The following PITPNM2 variants were observed in gnomAD, a reference collection of about 807,000 sequenced individuals.
PITPNM2 encodes the protein phosphatidylinositol transfer protein membrane associated 2, also known as membrane-associated phosphatidylinositol transfer protein 2.
In PITPNM2, 35 loss-of-function variants were observed where a neutral mutation model predicts 132.2. The observed-to-expected ratio is 0.26, with a 90% CI of 0.20 to 0.35. The LOEUF (loss-of-function observed/expected upper bound fraction) is 0.35, where lower values mean the gene tolerates loss of function less well. Among genes scored for constraint, PITPNM2 ranks in the 10% least tolerant of loss-of-function variants. The pLI is 1.00. For missense variants in PITPNM2, 1,332 were observed against 1,912.0 expected (o/e 0.70, Z 5.66); for synonymous variants, 738 against 799.2 (o/e 0.92, Z 1.29).
At chr12:123,040,035 T>C (rs1407419822) in intron 2 of PITPNM2, among the ~76,000 whole-genome samples, 1 of 152,004 alleles carries the variant, frequency 6.6e-6, no homozygotes, top group East Asian at 1.9e-4. Context: ...GAGGCTGAGG[T>C]GGGAGGATCC....
At chr12:123,024,196 C>A (rs1249828330) in intron 3 of PITPNM2, among the ~76,000 whole-genome samples, 1 of 152,204 alleles carries the variant, frequency 6.6e-6, no homozygotes, top group Non-Finnish European at 1.5e-5. Context: ...CATCATTTGT[C>A]ATTAGGGAAA....
At chr12:123,080,096 G>A (rs1418191418) in intron 2 of PITPNM2, among the ~76,000 whole-genome samples, 1 of 152,196 alleles carries the variant, frequency 6.6e-6, no homozygotes, top group Non-Finnish European at 1.5e-5. Context: ...TGTGGCGTGT[G>A]TCAGTCCTTC....
At position 122,990,708 on chromosome 12, in the gene PITPNM2, C is replaced by T. The variant is rs528105755; in HGVS notation, c.2406G>A (p.Ala802=). 3.3e-5 allele frequency: 53 copies of T among 1,603,180 alleles called. No individual in the cohort carries two copies. Among genetic ancestry groups the T allele is most frequent in the South Asian group, 1.6e-4 (14 of 89,458 alleles). ...CTGCATTGTGGGTCTGGAGCACATC[C>T]GCTGCAGGTGGACAGGGACCAGAGG... is the stretch of plus-strand genomic sequence containing the variant. ...PLGDGCSTLL[A]DVLQTHNAAF... The change falls in exon 17 of 26, where the codon GCG becomes GCA. Residue 802 remains alanine, a splice_region_variant and synonymous_variant. Transcript: ENST00000320201.
chr12:122,990,551 C>T lies in PITPNM2; in HGVS notation c.2563G>A (p.Ala855Thr), dbSNP rs1406337308. ...MAESYTASSI[A>T]QKAPDALSHT... ...AGGGGCCTGGTATACTCACTCTGGG[C>T]GATGCTGGATGCCGTGTAGCTCTCA... The change falls in exon 17 of 26, where the codon GCC becomes ACC. Residue 855 changes from alanine (A) to threonine (T), a missense_variant. Transcript: ENST00000320201. The T allele has an allele frequency of 5.6e-6, 9 of 1,612,832 alleles. No individual in the cohort carries two copies. The highest frequency in any genetic ancestry group is 1.3e-5 in the African/African-American group (1 of 75,064).
At chr12:122,990,798 T>A (rs1212734275) in intron 16 of PITPNM2, 89 bp from the exon 17 acceptor site, 2 of 1,393,654 alleles carry the variant, frequency 1.4e-6, no homozygotes, top group African/African-American at 2.9e-5. Flanking sequence ...GGGTCCAGTG[T>A]GCACCTAGAC....
intron 2 of PITPNM2, among the ~76,000 whole-genome samples, chr12:123,109,585 G>C (rs960544450): frequency 2.0e-5 from 3 of 152,200 alleles, no homozygotes; most frequent in Non-Finnish European, 4.4e-5. Flanking sequence ...CATGACTTGC[G>C]GGCAGCTGAG....
chr12:123,067,299 T>A (rs2041455704), intron 2 of PITPNM2, among the ~76,000 whole-genome samples: 1 of 151,958 alleles, frequency 6.6e-6, no homozygotes. Flanking sequence ...CTACCAAAAA[T>A]ACAAAAATTA....
intron 14 of PITPNM2, 51 bp downstream of exon 14, chr12:122,995,338 G>A: frequency 6.5e-7 from 1 of 1,536,630 alleles, no homozygotes; most frequent in Non-Finnish European, 8.8e-7. Context: ...CTCCCTCTTG[G>A]AGCCTCTTCC....
Position 122,996,074 on chromosome 12 carries a change from C to T in PITPNM2, c.1782+384G>A, listed in dbSNP as rs540901571. ...ACCTATGCTGCCAACCTTTGCCCTT[C>T]CCATCCTTTTTTGGAAGGGTGAGGG... On this transcript the variant is annotated intron_variant, in intron 13 of 25. Coordinates refer to ENST00000320201, the MANE Select transcript of PITPNM2 (RefSeq NM_020845.3). Among the ~76,000 whole-genome samples, 31 of 152,330 alleles carry T rather than the reference C, an allele frequency of 2.0e-4. 1 individual carries two copies. The South Asian group carries it at 6.0e-3, about 30-fold the overall frequency.
At chr12:123,003,691 A>C (rs901211531) in intron 8 of PITPNM2, among the ~76,000 whole-genome samples, 2 of 152,196 alleles carry the variant, frequency 1.3e-5, no homozygotes, top group Non-Finnish European at 2.9e-5. Context: ...CTGAGTGCCT[A>C]TGGGCTCGCC....
chr12:122,990,166 C>T (rs1485679695), intron 17 of PITPNM2, among the ~76,000 whole-genome samples: 3 of 152,242 alleles, frequency 2.0e-5, no homozygotes, highest in Non-Finnish European at 4.4e-5. Flanking sequence ...AATCCCTGGC[C>T]CAGCACGGGG....
chr12:123,084,452 A>G (rs1238875072), intron 2 of PITPNM2: 1 of 152,150 alleles, frequency 6.6e-6, no homozygotes, highest in African/African-American at 2.4e-5. Context: ...CCCGACCAGA[A>G]CCACACCGTG....
In PITPNM2 at chr12:123,074,631, C is replaced by CCA. The variant is rs370209153; in HGVS notation, c.-96+35752_-96+35753dup. ...CATGCCTACACATACACCCACCCAC[C>CCA]CACACACACACACAAACACACACAT... On this transcript the variant is annotated intron_variant, in intron 2 of 25. Transcript: ENST00000320201. Among the ~76,000 whole-genome samples the CCA allele has an allele frequency of 7.1e-3, 1,075 of 151,232 alleles. 15 individuals carry two copies. Among genetic ancestry groups the CCA allele is most frequent in the African/African-American group, 0.024 (987 of 41,274 alleles).
Position 122,984,042 on chromosome 12 carries a change from C to G in PITPNM2, c.*1985G>C, listed in dbSNP as rs937905594. Reference sequence around the variant, plus strand: ...ACAGAAGAGACTTCCCATGGGGGGGCAGGCTGCCCACCTTGCCATCTATGG... The same window carrying G: ...ACAGAAGAGACTTCCCATGGGGGGGGAGGCTGCCCACCTTGCCATCTATGG... On this transcript the variant is annotated 3_prime_UTR_variant, in exon 26 of 26. Coordinates refer to ENST00000320201, the MANE Select transcript of PITPNM2 (RefSeq NM_020845.3). 1 of 152,750 alleles carries G rather than the reference C, an allele frequency of 6.5e-6. No individual in the cohort carries two copies. Among genetic ancestry groups the G allele is most frequent in the Non-Finnish European group, 1.5e-5 (1 of 68,072 alleles). 9.5% of individuals were successfully genotyped at this position (152,750 alleles called of 1,614,324 possible).
intron 2 of PITPNM2, among the ~76,000 whole-genome samples, chr12:123,059,789 C>G (rs1189184144): frequency 6.6e-6 from 1 of 152,088 alleles, no homozygotes; most frequent in Non-Finnish European, 1.5e-5. Context: ...AGGATGCAGA[C>G]AGATGGTGGC....
chr12:123,015,380 C>A (rs571481220), intron 3 of PITPNM2, among the ~76,000 whole-genome samples: 76 of 151,766 alleles, frequency 5.0e-4, no homozygotes, highest in African/African-American at 1.8e-3. Flanking sequence ...AATTGAGAGT[C>A]TAGAAATAAA....
rs762316373 is a variant in PITPNM2, at chr12:123,034,476, C to T, written c.78+37G>A. The T allele has an allele frequency of 5.0e-6, 8 of 1,590,788 alleles. No homozygotes were observed. In the African/African-American group the frequency reaches 9.4e-5, roughly 19 times the overall value. Reference sequence around the variant, plus strand: ...GGTGTCTGTGCGCTGGCGCGACCCACCCTCACCCCATGACCCACCCTTGCC... The same window carrying T: ...GGTGTCTGTGCGCTGGCGCGACCCATCCTCACCCCATGACCCACCCTTGCC... On this transcript the variant is annotated intron_variant, in intron 3 of 25. Coordinates refer to ENST00000320201, the MANE Select transcript of PITPNM2 (RefSeq NM_020845.3).
chr12:122,986,036 G>A lies in PITPNM2; in HGVS notation c.4041C>T (p.Gly1347=), dbSNP rs1416524867. 1.4e-6 allele frequency: 2 copies of A among 1,402,042 alleles called. No individual in the cohort carries two copies. Among genetic ancestry groups the A allele is most frequent in the Admixed American group, 3.5e-5 (1 of 28,594 alleles). 86.9% of individuals were successfully genotyped at this position (1,402,042 alleles called of 1,614,324 possible). A position where few individuals can be genotyped will look rare whatever the true frequency, so the allele number is the denominator to read the frequency against. ...TGRLEPGAAA[G]PK ...CTGCACTCACGGTGCCCTACTTGGG[G>A]CCCGCGGCTGCCCCCGGCTCCAGGC... The change falls in exon 26 of 26, where the codon GGC becomes GGT. Residue 1347 remains glycine (G), a synonymous_variant. Transcript: ENST00000320201.
At chr12:122,997,870 G>A (rs2038498274) in intron 10 of PITPNM2, among the ~76,000 whole-genome samples, 2 of 152,330 alleles carry the variant, frequency 1.3e-5, no homozygotes, top group South Asian at 4.1e-4. Context: ...GACATGGAGG[G>A]AGGGAGTCCA....
Sources: allele counts gnomAD v4.1 joint callset (sites outside exome capture counted in the v4.1 genomes callset), GRCh38; gene constraint gnomAD v4.1.1; transcripts MANE v1.5; gene names NCBI Gene and HGNC (gene_info 2026-07-23, HGNC 2026-07-21).